The following LRIF1 variants were observed in gnomAD, a reference collection of about 807,000 sequenced individuals.
LRIF1 encodes the protein ligand dependent nuclear receptor interacting factor 1, also known as ligand-dependent nuclear receptor-interacting factor 1.
LRIF1 carries 32 observed loss-of-function variants against 52.7 expected under a neutral mutation model. The observed-to-expected ratio is 0.61, with a 90% confidence interval of 0.46 to 0.82. The LOEUF (loss-of-function observed/expected upper bound fraction) is 0.82, where lower values mean the gene tolerates loss of function less well. LRIF1 is among the 40% of genes least tolerant of loss of function. The probability of loss-of-function intolerance (pLI) is 0.00; values close to 1 mark genes in which losing one functional copy is unlikely to be tolerated. For synonymous variants in LRIF1, 323 were observed against 317.4 expected, an observed-to-expected ratio of 1.02 and a Z score of -0.19; for missense variants, 887 against 892.0, an observed-to-expected ratio of 0.99 and a Z score of 0.07.
At chr1:110,913,235 G>A in the LRIF1 span, among the ~76,000 whole-genome samples, 1 of 152,074 alleles carries the variant, frequency 6.6e-6, no homozygotes, top group Non-Finnish European at 1.5e-5. Context: ...AAGAAAATCT[G>A]GGACATACCA....
At chr1:110,938,308 A>G in the LRIF1 span, 1 of 152,186 alleles carries the variant, frequency 6.6e-6, no homozygotes, top group Non-Finnish European at 1.5e-5. Context: ...AAAAATACTC[A>G]TCAAAATACT....
the LRIF1 span, among the ~76,000 whole-genome samples, chr1:110,923,397 A>T: frequency 6.6e-6 from 1 of 152,208 alleles, no homozygotes; most frequent in African/African-American, 2.4e-5. Context: ...TTGGACATCA[A>T]CATCTTTGGG....
At chr1:110,942,519 G>C (rs975425971), downstream of LRIF1, among the ~76,000 whole-genome samples, 1 of 152,092 alleles carries the variant, frequency 6.6e-6, no homozygotes, top group East Asian at 1.9e-4. Context: ...GGTAGAAGCA[G>C]AGAGACAGTT....
chr1:110,960,027 CAAT>C (rs1658882834), intron 1 of LRIF1, among the ~76,000 whole-genome samples: 2 of 151,796 alleles, frequency 1.3e-5, no homozygotes, highest in African/African-American at 4.8e-5. Context: ...GTTATCTATC[CAAT>C]AATATGTACC....
chr1:110,895,282 T>C, the LRIF1 span, among the ~76,000 whole-genome samples: 2 of 152,226 alleles, frequency 1.3e-5, no homozygotes, highest in Non-Finnish European at 2.9e-5. Flanking sequence ...AATAGGTTTA[T>C]TTTCTAAGTT....
intron 1 of LRIF1, 53 bp from the exon 2 acceptor site, chr1:110,952,868 T>A: frequency 1.1e-6 from 1 of 935,804 alleles, no homozygotes; most frequent in Non-Finnish European, 1.4e-6. Flanking sequence ...TATATACATT[T>A]TATTTAAAAA....
the LRIF1 span, among the ~76,000 whole-genome samples, chr1:110,900,325 G>T: frequency 6.6e-6 from 1 of 152,232 alleles, no homozygotes; most frequent in South Asian, 2.1e-4. Flanking sequence ...CCAAGAAAGG[G>T]CATGAGATTC....
chr1:110,948,202 T>C lies in LRIF1; in HGVS notation c.2067A>G (p.Gln689=), dbSNP rs1658290441. The C allele has an allele frequency of 4.3e-6, 7 of 1,614,012 alleles. No individual in the cohort carries two copies. The highest frequency in any genetic ancestry group is 5.9e-6 in the Non-Finnish European group (7 of 1,180,002). The change falls in exon 4 of 4, where the codon CAA becomes CAG. Residue 689 remains glutamine, a synonymous_variant. Transcript: ENST00000369763. ...NILTSHSKTR[Q]EKRTEMEYYT... is the part of the protein sequence containing the mutation. ...AGTATTCCATCTCAGTTCTCTTTTCTTGTCTGGTTTTGCTGTGACTCGTGA... is the reference window on the plus strand; with the variant it reads ...AGTATTCCATCTCAGTTCTCTTTTCCTGTCTGGTTTTGCTGTGACTCGTGA...
At chr1:110,949,383 G>A (rs928069375) in intron 3 of LRIF1, among the ~76,000 whole-genome samples, 3 of 151,118 alleles carry the variant, frequency 2.0e-5, no homozygotes, top group African/African-American at 7.3e-5. Flanking sequence ...CTCCCAAAGT[G>A]CTGGGATTAC....
chr1:110,947,879 G>C lies in LRIF1; in HGVS notation c.*80C>G. ...AGCTTCATATTCAAAGACACTTTCA[G>C]AACACACCTACAATTAACTTATTAA... On this transcript the variant is annotated 3_prime_UTR_variant, in exon 4 of 4. Coordinates refer to ENST00000369763, the MANE Select transcript of LRIF1 (RefSeq NM_018372.4). 2 of 1,498,348 alleles carry C rather than the reference G, an allele frequency of 1.3e-6. No homozygotes were observed. The highest frequency in any genetic ancestry group is 2.3e-5 in the East Asian group (1 of 43,970). The allele number at this position is 1,498,348 out of a possible 1,614,324, so 92.8% of individuals were successfully genotyped here.
the LRIF1 span, among the ~76,000 whole-genome samples, chr1:110,930,422 T>C: frequency 5.3e-5 from 8 of 152,196 alleles, no homozygotes; most frequent in Non-Finnish European, 1.2e-4. Flanking sequence ...CTGATCCGTT[T>C]GTGGTGAGGG....
At chr1:110,949,431 T>G (rs1658364566) in intron 3 of LRIF1, among the ~76,000 whole-genome samples, 1 of 150,648 alleles carries the variant, frequency 6.6e-6, no homozygotes, top group Non-Finnish European at 1.5e-5. Flanking sequence ...TTCTTTTTTT[T>G]TTTTTTGAGA....
the LRIF1 span, among the ~76,000 whole-genome samples, chr1:110,924,113 A>T: frequency 7.9e-5 from 12 of 152,292 alleles, no homozygotes; most frequent in African/African-American, 2.9e-4. Context: ...ATGACAATAC[A>T]TTAAAAGTTA....
chr1:110,952,361 T>C lies in LRIF1; in HGVS notation c.523A>G (p.Lys175Glu), dbSNP rs1204503942. Reference sequence around the variant, plus strand: ...TGCCCAGAAGGCAAAACTGGAGACTTCACAGTCACTGGAAGACTCTGGGTA... The same window carrying C: ...TGCCCAGAAGGCAAAACTGGAGACTCCACAGTCACTGGAAGACTCTGGGTA... ...VNTQSLPVTV[K>E]SPVLPSGHHL... Residue 175 changes from lysine to glutamate, a missense_variant, in exon 2 of 4, where the codon AAG (lysine) becomes GAG (glutamate). Physicochemically the swap from Lys to Glu is moderately conservative, Grantham distance 56. Coordinates refer to ENST00000369763, the MANE Select transcript of LRIF1 (RefSeq NM_018372.4). 2 of 1,614,086 alleles carry C rather than the reference T, an allele frequency of 1.2e-6. No homozygotes were observed. Among genetic ancestry groups the C allele is most frequent in the Non-Finnish European group, 1.7e-6 (2 of 1,179,954 alleles).
the LRIF1 span, among the ~76,000 whole-genome samples, chr1:110,885,626 GCTGAGACAGGCAGATCAC>G: frequency 6.6e-6 from 1 of 152,090 alleles, no homozygotes; most frequent in Non-Finnish European, 1.5e-5. Flanking sequence ...ACTTTAGGAG[GCTGAGACAGGCAGATCAC>G]CTGAGGTCAG....
At chr1:110,902,495 T>TAAAAAAAAAAAA in the LRIF1 span, among the ~76,000 whole-genome samples, 155 of 72,540 alleles carry the variant, frequency 2.1e-3, no homozygotes, top group African/African-American at 3.7e-3. Flanking sequence ...AATCAATCAC[T>TAAAAAAAAAAAA]AAAAAAAAAA....
the LRIF1 span, among the ~76,000 whole-genome samples, chr1:110,886,956 C>T: frequency 6.6e-6 from 1 of 150,430 alleles, no homozygotes; most frequent in South Asian, 2.1e-4. Flanking sequence ...AATATCTAAT[C>T]TGCCATTAAT....
chr1:110,932,063 C>T, the LRIF1 span, among the ~76,000 whole-genome samples: 1 of 152,178 alleles, frequency 6.6e-6, no homozygotes, highest in Non-Finnish European at 1.5e-5. Context: ...TTGCCCATGC[C>T]TATGTCCTGA....
chr1:110,958,551 A>G (rs1313385540), intron 1 of LRIF1, among the ~76,000 whole-genome samples: 1 of 152,200 alleles, frequency 6.6e-6, no homozygotes, highest in Non-Finnish European at 1.5e-5. Flanking sequence ...TACCAAGCAT[A>G]GTATTTTATA....
Sources: allele counts gnomAD v4.1 joint callset (sites outside exome capture counted in the v4.1 genomes callset), GRCh38; gene constraint gnomAD v4.1.1; transcripts MANE v1.5; gene names NCBI Gene and HGNC (gene_info 2026-07-23, HGNC 2026-07-21).